PHF20L1: variants seen among roughly 807,000 people sequenced by gnomAD.
The protein encoded by PHF20L1 is PHD finger protein 20-like protein 1.
PHF20L1 carries 44 observed loss-of-function variants against 125.5 expected under a neutral mutation model. The ratio of observed to expected loss-of-function variants is 0.35; its 90% CI spans 0.28 to 0.45. The LOEUF is 0.45. Ranked by LOEUF, PHF20L1 falls within the 20% of genes least tolerant of loss-of-function variation. The pLI is 1.00. For missense variants in PHF20L1, 1,012 were observed against 1,217.2 expected (o/e 0.83, Z 2.51); for synonymous variants, 380 against 403.1 (o/e 0.94, Z 0.69).
In PHF20L1 at chr8:132,777,850, C is replaced by T. The variant is rs969789059; in HGVS notation, c.22C>T (p.Arg8Cys). MSKKPPN[R>C]PGITFEIGAR... The stretch of plus-strand genomic sequence containing the variant: ...CAAGATGAGTAAAAAGCCCCCAAAT[C>T]GCCCTGGAATCACTTTTGAGATTGG... Residue 8 changes from arginine to cysteine, a missense_variant, in exon 2 of 21, where the codon CGC becomes TGC. Transcript: ENST00000395386. 6 of 1,612,526 alleles carry T rather than the reference C, an allele frequency of 3.7e-6. No individual in the cohort carries two copies. Among genetic ancestry groups the T allele is most frequent in the Non-Finnish European group, 5.1e-6 (6 of 1,178,746 alleles).
In PHF20L1 at chr8:132,844,100, A is replaced by G. The variant is rs746470227; in HGVS notation, c.2749-56A>G. 1,348 of 1,601,678 alleles carry G rather than the reference A, an allele frequency of 8.4e-4. 13 individuals are homozygous for G. Among genetic ancestry groups the G allele is most frequent in the Non-Finnish European group, 1.6e-4 (191 of 1,173,032 alleles). On this transcript the variant is annotated intron_variant, in intron 19 of 20. Transcript: ENST00000395386. ...AGGTGTTTCCTGTATCCTTAACTCA[A>G]TGACTGCATTTCATCCCGTTCTTTG... is the stretch of plus-strand genomic sequence containing the variant.
At position 132,775,403 on chromosome 8, in the gene PHF20L1, CG is replaced by C. The variant is rs1311459567; in HGVS notation, c.-278del. 2.6e-6 allele frequency: 1 copy of C among 381,638 alleles called. No homozygotes were observed. Among genetic ancestry groups the C allele is most frequent in the Non-Finnish European group, 4.6e-6 (1 of 217,796 alleles). 23.6% of individuals were successfully genotyped at this position (381,638 alleles called of 1,614,324 possible). On this transcript the variant is annotated 5_prime_UTR_variant, in exon 1 of 21. Transcript: ENST00000395386. ...GCGTCGCGTCAGGGCTGGCCGGCGGCGGAGGCGGCGGCGGCGGCGGCGATGG... is the reference window on the plus strand; with the variant it reads ...GCGTCGCGTCAGGGCTGGCCGGCGGCGAGGCGGCGGCGGCGGCGGCGATGG...
At chr8:132,783,414 A>C (rs1830657418) in intron 2 of PHF20L1, among the ~76,000 whole-genome samples, 1 of 152,200 alleles carries the variant, frequency 6.6e-6, no homozygotes, top group African/African-American at 2.4e-5. Context: ...GAATTAAGGA[A>C]ATTTACATTG....
At chr8:132,811,369 C>T in intron 9 of PHF20L1, 2 of 1,196,554 alleles carry the variant, frequency 1.7e-6, no homozygotes, top group Admixed American at 4.0e-5. Flanking sequence ...GGCCTGGAGA[C>T]AGGCATCCCA....
intron 17 of PHF20L1, 131 bp downstream of exon 17, chr8:132,837,942 CTG>C: frequency 1.5e-6 from 1 of 650,506 alleles, no homozygotes; most frequent in Non-Finnish European, 2.8e-6. Flanking sequence ...TTCTTGGAAA[CTG>C]TGACTCCAAA....
At chr8:132,829,526 G>GTAAA (rs1296366583) in intron 14 of PHF20L1, among the ~76,000 whole-genome samples, 3 of 152,020 alleles carry the variant, frequency 2.0e-5, no homozygotes, top group Non-Finnish European at 4.4e-5. Context: ...GGCAAACTGT[G>GTAAA]GTTATGGTGA....
At chr8:132,814,923 C>G (rs745864775) in intron 10 of PHF20L1, 34 bp downstream of exon 10, 1 of 1,432,796 alleles carries the variant, frequency 7.0e-7, no homozygotes. Flanking sequence ...AGTTATTTAT[C>G]CTATAAGATA....
intron 8 of PHF20L1, 99 bp downstream of exon 8, chr8:132,804,839 A>G (rs1459840165): frequency 6.0e-6 from 6 of 1,005,614 alleles, no homozygotes; most frequent in Non-Finnish European, 8.9e-6. Context: ...ATTTAGTGTC[A>G]TGGACCTGTT....
chr8:132,794,727 A>AT lies in PHF20L1; in HGVS notation c.256-6_256-5insT. On this transcript the variant is annotated splice_polypyrimidine_tract_variant and splice_region_variant and intron_variant, in intron 3 of 20. Transcript: ENST00000395386. Reference sequence around the variant, plus strand: ...TGGAATTGATCTTAAAAGTTGTTTAAAATAGGATTTTAAAGCTGGAGAAGA... The same window carrying AT: ...TGGAATTGATCTTAAAAGTTGTTTAATAATAGGATTTTAAAGCTGGAGAAGA... The AT allele has an allele frequency of 6.2e-7, 1 of 1,608,908 alleles. No homozygotes were observed. The highest frequency in any genetic ancestry group is 1.7e-5 in the Admixed American group (1 of 59,678).
intron 2 of PHF20L1, among the ~76,000 whole-genome samples, chr8:132,778,776 T>C (rs1036992180): frequency 5.9e-5 from 9 of 152,274 alleles, no homozygotes; most frequent in Non-Finnish European, 1.3e-4. Flanking sequence ...ATTTGCAGGC[T>C]CCTAACCTGA....
At chr8:132,832,890 A>C (rs1377782434) in intron 15 of PHF20L1, among the ~76,000 whole-genome samples, 1 of 152,160 alleles carries the variant, frequency 6.6e-6, no homozygotes, top group Non-Finnish European at 1.5e-5. Context: ...CCTGAGATGT[A>C]GTCAGACAAC....
chr8:132,793,669 A>G (rs1832042703), intron 2 of PHF20L1, among the ~76,000 whole-genome samples: 1 of 152,230 alleles, frequency 6.6e-6, no homozygotes. Flanking sequence ...TAAGTTAACT[A>G]ATTCCTATTT....
At chr8:132,790,905 G>A (rs1022989924) in intron 2 of PHF20L1, among the ~76,000 whole-genome samples, 1 of 151,886 alleles carries the variant, frequency 6.6e-6, no homozygotes, top group Non-Finnish European at 1.5e-5. Context: ...TACAGTTTTT[G>A]TATACACTTA....
In PHF20L1 at chr8:132,794,778, C is replaced by T. The variant is rs1386547337; in HGVS notation, c.301C>T (p.Arg101Cys). The T allele has an allele frequency of 5.0e-6, 8 of 1,612,528 alleles. No individual in the cohort carries two copies. Among genetic ancestry groups the T allele is most frequent in the Admixed American group, 1.7e-5 (1 of 59,924 alleles). Reference sequence around the variant, plus strand: ...AGTTCTGGCTCGTTGGACAGACTGTCGCTATTACCCTGCCAAGATTGAAGC... The same window carrying T: ...AGTTCTGGCTCGTTGGACAGACTGTTGCTATTACCCTGCCAAGATTGAAGC... ...EEVLARWTDCRYYPAKIEAIN... is the reference protein window; with the variant it reads ...EEVLARWTDCCYYPAKIEAIN... Residue 101 changes from arginine (R) to cysteine (C), a missense_variant, in exon 4 of 21, where the codon CGC (arginine) becomes TGC (cysteine). Coordinates refer to ENST00000395386, the MANE Select transcript of PHF20L1 (RefSeq NM_016018.5).
At chr8:132,794,697 A>G (rs770273656) in intron 3 of PHF20L1, 36 bp from the exon 4 acceptor site, 8 of 1,532,762 alleles carry the variant, frequency 5.2e-6, no homozygotes, top group Non-Finnish European at 7.2e-6. Flanking sequence ...CTTATTTAAT[A>G]TACATGGAAT....
intron 8 of PHF20L1, chr8:132,806,874 T>C (rs891052649): frequency 1.3e-5 from 2 of 152,034 alleles, no homozygotes; most frequent in African/African-American, 4.8e-5. Flanking sequence ...TATTTTATTA[T>C]TTTTTTAAAG....
At chr8:132,808,860 G>A (rs1476215722) in intron 8 of PHF20L1, 1 of 148,862 alleles carries the variant, frequency 6.7e-6, no homozygotes, top group Non-Finnish European at 1.5e-5. Flanking sequence ...AAACACCAGG[G>A]TTTTGTTGTT....
At position 132,810,775 on chromosome 8, in the gene PHF20L1, T is replaced by A. The variant is rs1050231491; in HGVS notation, c.848-271T>A. On this transcript the variant is annotated intron_variant, in intron 8 of 20. Coordinates refer to ENST00000395386, the MANE Select transcript of PHF20L1 (RefSeq NM_016018.5). ...GACAGAATTTTAACTTTTTACAGAA[T>A]AAATGTGTGTGTGCAAGTGTGTGTT... The A allele has an allele frequency of 2.0e-4, 70 of 355,926 alleles. 1 individual carries two copies. The highest frequency in any genetic ancestry group is 1.5e-3 in the South Asian group (49 of 33,080). The allele number at this position is 355,926 out of a possible 1,614,324, so 22.0% of individuals were successfully genotyped here. A position where few individuals can be genotyped will look rare whatever the true frequency, so the allele number is the denominator to read the frequency against.
At chr8:132,816,656 A>G in intron 10 of PHF20L1, 1 of 380,500 alleles carries the variant, frequency 2.6e-6, no homozygotes, top group Non-Finnish European at 4.7e-6. Flanking sequence ...GTTCCATTTT[A>G]TTTTCTTTTA....
Sources: gnomAD v4.1 joint callset for allele counts (sites outside exome capture counted in the v4.1 genomes callset) on GRCh38, gnomAD v4.1.1 for gene constraint, MANE v1.5 for transcripts, NCBI Gene and HGNC (gene_info 2026-07-23, HGNC 2026-07-21) for gene names.